Variants in NPRL3 observed in about 807,000 individuals in gnomAD.
NPRL3 encodes the protein NPR3 like, GATOR1 complex subunit, also known as GATOR1 complex protein NPRL3.
NPRL3 carries 23 observed loss-of-function variants against 57.2 expected under a neutral mutation model. The observed-to-expected ratio is 0.40, with a 90% CI of 0.29 to 0.57. The LOEUF is 0.57. Ranked by LOEUF, NPRL3 falls within the 20% of genes least tolerant of loss-of-function variation. The pLI is 0.42. For synonymous variants in NPRL3, 333 were observed against 321.1 expected (o/e 1.04, Z -0.39); for missense variants, 691 against 767.1 (o/e 0.90, Z 1.17).
intron 2 of NPRL3, 57 bp from the exon 3 acceptor site, chr16:130,648 G>A: frequency 3.3e-6 from 5 of 1,496,822 alleles, no homozygotes; most frequent in African/African-American, 1.4e-5. Context: ...TCCACACACA[G>A]GAGGGTTATG....
intron 7 of NPRL3, among the ~76,000 whole-genome samples, chr16:105,891 A>C (rs216092): frequency 0.89 from 135,753 of 152,280 alleles, 60,659 homozygotes; most frequent in African/African-American, 0.94. Context: ...AGTGCTAGGT[A>C]TGGCACAAGT....
At chr16:136,416 G>A (rs1281717151) in intron 2 of NPRL3, among the ~76,000 whole-genome samples, 8 of 152,196 alleles carry the variant, frequency 5.3e-5, no homozygotes, top group African/African-American at 1.7e-4. Context: ...CAGGCTGGGC[G>A]CGGTGGCTCA....
intron 2 of NPRL3, among the ~76,000 whole-genome samples, chr16:134,694 A>ATTATTATTTTTTTTTTTT (rs1346965930): frequency 1.3e-4 from 13 of 103,414 alleles, no homozygotes; most frequent in African/African-American, 4.1e-4. Flanking sequence ...AATTATTATT[A>ATTATTATTTTTTTTTTTT]TTTTTTTTTT....
chr16:112,720 G>T lies in NPRL3; in HGVS notation c.449C>A (p.Ala150Asp). 6.2e-7 allele frequency: 1 copy of T among 1,612,320 alleles called. No individual in the cohort carries two copies. The highest frequency in any genetic ancestry group is 2.2e-5 in the East Asian group (1 of 44,836). ...NCLHNLSRRI[A>D]TVLQHEERRC... ...GCGCTCCTCGTGCTGCAGCACGGTG[G>T]CGATACGACGGGACAGGTTATGCAG... The change falls in exon 6 of 14, where the codon GCC becomes GAC. Residue 150 changes from alanine (A) to aspartate (D), a missense_variant. By Grantham distance (126) the Ala-to-Asp change is moderately radical. Coordinates refer to ENST00000611875, the MANE Select transcript of NPRL3 (RefSeq NM_001077350.3).
chr16:133,970 G>C (rs1157739648), intron 2 of NPRL3, among the ~76,000 whole-genome samples: 1 of 152,136 alleles, frequency 6.6e-6, no homozygotes, highest in East Asian at 1.9e-4. Flanking sequence ...GATGAAACTT[G>C]CTATCTTATG....
In NPRL3 at chr16:100,424, C is replaced by G; in HGVS notation, c.715G>C (p.Ala239Pro). ...FCLPHKIHYA[A>P]SSLIPPEAIE... ...GCCTCTGGGGGGATCAGACTGGAGG[C>G]CGCATAGTGGATCTTGTGGGGCAGG... The change falls in exon 8 of 14, where the codon GCC becomes CCC. Residue 239 changes from alanine to proline, a missense_variant. Coordinates refer to ENST00000611875, the MANE Select transcript of NPRL3 (RefSeq NM_001077350.3). The G allele has an allele frequency of 6.2e-7, 1 of 1,605,234 alleles. No individual in the cohort carries two copies. The highest frequency in any genetic ancestry group is 8.5e-7 in the Non-Finnish European group (1 of 1,176,754).
chr16:104,852 G>C (rs1268063691), intron 7 of NPRL3, among the ~76,000 whole-genome samples: 1 of 152,168 alleles, frequency 6.6e-6, no homozygotes, highest in Non-Finnish European at 1.5e-5. Flanking sequence ...CCAACCTCCA[G>C]CCTGTAAATC....
At chr16:110,213 G>C (rs1596519652) in intron 7 of NPRL3, among the ~76,000 whole-genome samples, 1 of 152,140 alleles carries the variant, frequency 6.6e-6, no homozygotes, top group East Asian at 1.9e-4. Context: ...AGGTTGCTGT[G>C]AGCCGAGATC....
At chr16:131,130 T>A (rs935093939) in intron 2 of NPRL3, among the ~76,000 whole-genome samples, 5 of 151,736 alleles carry the variant, frequency 3.3e-5, no homozygotes, top group African/African-American at 1.2e-4. Flanking sequence ...AGGTCAGGAG[T>A]TCGAAACCAG....
intron 11 of NPRL3, 74 bp from the exon 12 acceptor site, chr16:89,976 C>A: frequency 7.2e-7 from 1 of 1,383,074 alleles, no homozygotes; most frequent in South Asian, 1.3e-5. Context: ...GGAGCCATGG[C>A]CCTAGACATG....
intron 9 of NPRL3, among the ~76,000 whole-genome samples, chr16:94,073 G>A (rs949058167): frequency 1.2e-4 from 1 of 8,460 alleles, no homozygotes; most frequent in Non-Finnish European, 2.0e-4. Flanking sequence ...TAAAACTCCA[G>A]CATGGCCTTG....
chr16:106,535 G>A (rs892246798), intron 7 of NPRL3, among the ~76,000 whole-genome samples: 4 of 149,182 alleles, frequency 2.7e-5, no homozygotes, highest in East Asian at 2.0e-4. Flanking sequence ...TCGGGAGGCC[G>A]AGATGGAAGG....
At position 89,209 on chromosome 16, in the gene NPRL3, T is replaced by A. The variant is rs150876304; in HGVS notation, c.1352-319A>T. The A allele has an allele frequency of 9.4e-4, 342 of 364,264 alleles. 2 individuals carry two copies. Among genetic ancestry groups the A allele is most frequent in the African/African-American group, 6.4e-3 (317 of 49,440 alleles). 22.6% of individuals were successfully genotyped at this position (364,264 alleles called of 1,614,324 possible). ...ACCCAGGATGGAGGACAAAGCACCCTGGGCAGGTGGGGTCCTCACATGAAG... is the reference window on the plus strand; with the variant it reads ...ACCCAGGATGGAGGACAAAGCACCCAGGGCAGGTGGGGTCCTCACATGAAG... On this transcript the variant is annotated intron_variant, in intron 12 of 13. Transcript: ENST00000611875.
At chr16:93,042 C>T (rs966646792) in intron 10 of NPRL3, 177 bp downstream of exon 10, 5 of 630,582 alleles carry the variant, frequency 7.9e-6, no homozygotes, top group South Asian at 5.7e-5. Context: ...CAGAGCCAGA[C>T]CAGAATTGGG....
intron 3 of NPRL3, chr16:123,458 A>G (rs1028713834): frequency 4.3e-6 from 2 of 470,098 alleles, no homozygotes; most frequent in Non-Finnish European, 8.8e-6. Context: ...CAAGAAGAGA[A>G]GGCAGCCGGA....
intron 12 of NPRL3, chr16:89,229 A>T (rs1384549424): frequency 3.1e-6 from 1 of 327,492 alleles, no homozygotes; most frequent in Non-Finnish European, 5.7e-6. Flanking sequence ...GGGTCCTCAC[A>T]TGAAGCATGA....
In NPRL3 at chr16:86,744, C is replaced by T. The variant is rs762516341; in HGVS notation, c.1671G>A (p.Glu557=). 8.9e-6 allele frequency: 14 copies of T among 1,576,960 alleles called. No homozygotes were observed. The highest frequency in any genetic ancestry group is 1.1e-5 in the Non-Finnish European group (13 of 1,162,772). The change falls in exon 14 of 14, where the codon GAG becomes GAA. Residue 557 remains glutamate, a synonymous_variant. Coordinates refer to ENST00000611875, the MANE Select transcript of NPRL3 (RefSeq NM_001077350.3). Reference sequence around the variant, plus strand: ...CCTGGAAGACGGCAATGACAGGGTCCTCGTGGGTGGTCACCACCAGCACGC... The same window carrying T: ...CCTGGAAGACGGCAATGACAGGGTCTTCGTGGGTGGTCACCACCAGCACGC... ...FRSVLVVTTH[E]DPVIAVFQAL...
chr16:117,498 T>C (rs1436587355), intron 4 of NPRL3, 123 bp from the exon 5 acceptor site: 1 of 653,184 alleles, frequency 1.5e-6, no homozygotes, highest in Non-Finnish European at 2.6e-6. Context: ...GGAAAAGCAA[T>C]GAATGCCTTT....
At chr16:134,712 T>A (rs1232075692) in intron 2 of NPRL3, among the ~76,000 whole-genome samples, 1 of 136,846 alleles carries the variant, frequency 7.3e-6, no homozygotes, top group Non-Finnish European at 1.6e-5. Context: ...TTTTTTTTTT[T>A]TTTTTTTGAG....
Sources: gnomAD v4.1 joint callset for allele counts (sites outside exome capture counted in the v4.1 genomes callset) on GRCh38, gnomAD v4.1.1 for gene constraint, MANE v1.5 for transcripts, NCBI Gene and HGNC (gene_info 2026-07-23, HGNC 2026-07-21) for gene names.